Variants in SETD3 observed in about 807,000 individuals in gnomAD.
The protein encoded by SETD3 is SET domain containing 3, actin N3(tau)-histidine methyltransferase.
SETD3 carries 19 observed loss-of-function variants against 63.0 expected under a neutral mutation model. That is an observed-to-expected ratio of 0.30 (90% CI 0.21 to 0.44). The LOEUF is 0.44. Ranked by LOEUF, SETD3 falls within the 20% of genes least tolerant of loss-of-function variation. The probability of loss-of-function intolerance (pLI) is 1.00; values close to 1 mark genes in which losing one functional copy is unlikely to be tolerated. For missense variants in SETD3, 587 were observed against 728.5 expected, an observed-to-expected ratio of 0.81 and a Z score of 2.24; for synonymous variants, 286 against 264.1, an observed-to-expected ratio of 1.08 and a Z score of -0.80.
At position 99,463,573 on chromosome 14, in the gene SETD3, T is replaced by C; in HGVS notation, c.109A>G (p.Ser37Gly). The change falls in exon 3 of 13, where the codon AGC becomes GGC. Residue 37 changes from serine (S) to glycine (G), a missense_variant. Transcript: ENST00000331768. ...NLTSELLQKC[S>G]SPAPGPGKEW... is the part of the protein sequence containing the mutation. ...TTTCCTGGGCCAGGCGCCGGACTGC[T>C]GCATTCTGTAACATAAGAGGCATGG... The C allele has an allele frequency of 6.2e-7, 1 of 1,613,446 alleles. No homozygotes were observed.
chr14:99,421,074 A>G (rs941864498), intron 6 of SETD3, among the ~76,000 whole-genome samples: 1 of 17,210 alleles, frequency 5.8e-5, no homozygotes, highest in African/African-American at 2.4e-4. Context: ...CCCCACCCCC[A>G]ACATCTCAAT....
chr14:99,412,888 C>T (rs756539674), intron 8 of SETD3, 63 bp downstream of exon 8: 2 of 1,176,878 alleles, frequency 1.7e-6, no homozygotes, highest in Admixed American at 1.7e-5. Context: ...TAACAGCCCC[C>T]TCCCAAAGCT....
At chr14:99,468,500 T>C (rs1264840327) in intron 1 of SETD3, among the ~76,000 whole-genome samples, 1 of 152,092 alleles carries the variant, frequency 6.6e-6, no homozygotes, top group Non-Finnish European at 1.5e-5. Flanking sequence ...CTAATAAGTC[T>C]CCTAAAAATC....
At chr14:99,469,182 C>G (rs1367631188) in intron 1 of SETD3, among the ~76,000 whole-genome samples, 1 of 152,212 alleles carries the variant, frequency 6.6e-6, no homozygotes, top group African/African-American at 2.4e-5. Flanking sequence ...AAACTGCTGG[C>G]TCTTAGAATG....
intron 1 of SETD3, among the ~76,000 whole-genome samples, chr14:99,466,575 T>C (rs886353430): frequency 5.3e-5 from 8 of 150,126 alleles, no homozygotes; most frequent in African/African-American, 2.0e-4. Context: ...CTTTTAACAA[T>C]AGGTCTCAAA....
intron 6 of SETD3, among the ~76,000 whole-genome samples, chr14:99,450,965 G>A (rs551949312): frequency 6.6e-5 from 10 of 152,210 alleles, no homozygotes; most frequent in South Asian, 2.1e-4. Context: ...TCACAGCACT[G>A]GGCCCATTAC....
chr14:99,451,494 TTTTC>T (rs1894458006), intron 6 of SETD3, among the ~76,000 whole-genome samples: 1 of 152,050 alleles, frequency 6.6e-6, no homozygotes, highest in Non-Finnish European at 1.5e-5. Flanking sequence ...GTTGTATCTT[TTTTC>T]TTTTTTTCTT....
chr14:99,485,893 A>G, the SETD3 span, among the ~76,000 whole-genome samples: 1 of 152,158 alleles, frequency 6.6e-6, no homozygotes, highest in Non-Finnish European at 1.5e-5. Context: ...CCTATTTCCT[A>G]GTCTGTTCAT....
At chr14:99,418,284 A>C (rs895044228) in intron 6 of SETD3, among the ~76,000 whole-genome samples, 11 of 152,324 alleles carry the variant, frequency 7.2e-5, no homozygotes, top group African/African-American at 2.4e-4. Context: ...CATGCAATTA[A>C]ATTTTTCTGA....
chr14:99,400,438 T>C (rs1482278827), intron 11 of SETD3, among the ~76,000 whole-genome samples, 179 bp from the exon 12 acceptor site: 3 of 152,220 alleles, frequency 2.0e-5, no homozygotes, highest in Admixed American at 6.5e-5. Flanking sequence ...AGCTAAGTTT[T>C]GGGGAGCAAC....
chr14:99,403,453 ACACT>A (rs1339537324), intron 11 of SETD3, among the ~76,000 whole-genome samples: 23 of 106,202 alleles, frequency 2.2e-4, no homozygotes, highest in African/African-American at 4.1e-4. Flanking sequence ...ACACACACAC[ACACT>A]CTCTCTCTCT....
intron 6 of SETD3, among the ~76,000 whole-genome samples, chr14:99,444,936 G>A (rs925461648): frequency 5.3e-5 from 8 of 152,022 alleles, no homozygotes; most frequent in Non-Finnish European, 1.0e-4. Context: ...GTAAAAATAA[G>A]AGAAGTAAAG....
chr14:99,406,188 G>C (rs959386259), intron 9 of SETD3, among the ~76,000 whole-genome samples: 1 of 149,368 alleles, frequency 6.7e-6, no homozygotes, highest in African/African-American at 2.6e-5. Flanking sequence ...TTTATGAAAT[G>C]TTAAACATTG....
chr14:99,481,799 C>T (rs1896334605), upstream of SETD3, among the ~76,000 whole-genome samples: 1 of 152,192 alleles, frequency 6.6e-6, no homozygotes, highest in African/African-American at 2.4e-5. Flanking sequence ...GTGTTAACCG[C>T]GCACAGTCTC....
chr14:99,429,556 T>C (rs1262024235), intron 6 of SETD3, among the ~76,000 whole-genome samples: 1 of 152,248 alleles, frequency 6.6e-6, no homozygotes, highest in Non-Finnish European at 1.5e-5. Context: ...GTCATTAATA[T>C]GGTTATACCA....
chr14:99,430,025 G>A (rs1893086827), intron 6 of SETD3, among the ~76,000 whole-genome samples: 1 of 152,192 alleles, frequency 6.6e-6, no homozygotes, highest in South Asian at 2.1e-4. Flanking sequence ...GGGGGAGTGA[G>A]CCCAGCCTTG....
In SETD3 at chr14:99,399,993, G is replaced by A. The variant is rs559435466; in HGVS notation, c.1338+106C>T. ...CTGACCTCGTGATCCGCCCCGCCTC[G>A]ACCTCCCAAAGTGCTGGGATTACAG... On this transcript the variant is annotated intron_variant, in intron 12 of 12. Coordinates refer to ENST00000331768, the MANE Select transcript of SETD3 (RefSeq NM_032233.3). 6.2e-5 allele frequency: 63 copies of A among 1,023,524 alleles called. No homozygotes were observed. In the African/African-American group the frequency reaches 7.3e-4, roughly 12 times the overall value. The allele number at this position is 1,023,524 out of a possible 1,614,324, so 63.4% of individuals were successfully genotyped here.
chr14:99,466,224 T>G lies in SETD3; in HGVS notation c.-8-411A>C, dbSNP rs1281348165. ...CCCACTTTGCCTTAAAATAATCATT[T>G]CCCATTAACCATAACTGTATCATAA... On this transcript the variant is annotated intron_variant, in intron 1 of 12. Transcript: ENST00000331768. 2.6e-5 allele frequency among the ~76,000 whole-genome samples: 4 copies of G among 152,328 alleles called. No individual in the cohort carries two copies. In the South Asian group the frequency reaches 8.3e-4, roughly 32 times the overall value.
intron 6 of SETD3, among the ~76,000 whole-genome samples, chr14:99,419,018 A>G (rs1951473210): frequency 6.6e-6 from 1 of 152,208 alleles, no homozygotes; most frequent in Admixed American, 6.5e-5. Flanking sequence ...AGAATGACAA[A>G]TTGCAAAGTA....
Sources: allele counts gnomAD v4.1 joint callset (sites outside exome capture counted in the v4.1 genomes callset), GRCh38; gene constraint gnomAD v4.1.1; transcripts MANE v1.5; gene names NCBI Gene and HGNC (gene_info 2026-07-23, HGNC 2026-07-21).